Variants in CNNM2 observed in about 807,000 individuals in gnomAD.
CNNM2 encodes the protein metal transporter CNNM2.
Under a neutral mutation model 66.9 loss-of-function variants are expected in CNNM2, and 12 were observed. The observed-to-expected ratio is 0.18, with a 90% confidence interval of 0.11 to 0.29. The LOEUF is 0.29. Among genes scored for constraint, CNNM2 ranks in the 10% least tolerant of loss-of-function variants. The probability of loss-of-function intolerance (pLI) is 1.00; values close to 1 mark genes in which losing one functional copy is unlikely to be tolerated. For synonymous variants in CNNM2, 557 were observed against 501.8 expected, an observed-to-expected ratio of 1.11 and a Z score of -1.47; for missense variants, 705 against 1,167.7, an observed-to-expected ratio of 0.60 and a Z score of 5.77.
At chr10:102,990,934 G>A (rs1037406730) in intron 1 of CNNM2, among the ~76,000 whole-genome samples, 2 of 152,154 alleles carry the variant, frequency 1.3e-5, no homozygotes, top group Non-Finnish European at 2.9e-5. Context: ...AGTAGGAATA[G>A]TTATCTCTGT....
rs2065521762 is a variant in CNNM2, at chr10:103,068,694, T to C, written c.2139T>C (p.Tyr713=). The part of the protein sequence containing the change: ...MKFEASAFSY[Y]GVMALTASPV... ...TTGAAGCGAGCGCCTTCTCATACTA[T>C]GGCGTGATGGCCCTGACAGCCTCTC... The change falls in exon 5 of 8, where the codon TAT becomes TAC. Residue 713 remains tyrosine, a synonymous_variant. Transcript: ENST00000369878. The C allele has an allele frequency of 6.2e-7, 1 of 1,612,956 alleles. No individual in the cohort carries two copies. Among genetic ancestry groups the C allele is most frequent in the African/African-American group, 1.3e-5 (1 of 74,922 alleles).
At chr10:103,026,854 C>T (rs959965749) in intron 1 of CNNM2, among the ~76,000 whole-genome samples, 4 of 152,074 alleles carry the variant, frequency 2.6e-5, no homozygotes, top group African/African-American at 9.7e-5. Context: ...GCCTGTCTTC[C>T]TTGGTCGACT....
Position 102,919,678 on chromosome 10 carries a change from G to C in CNNM2, c.1198G>C (p.Val400Leu). The C allele has an allele frequency of 6.2e-7, 1 of 1,614,230 alleles. No individual in the cohort carries two copies. The highest frequency in any genetic ancestry group is 8.5e-7 in the Non-Finnish European group (1 of 1,180,044). The change falls in exon 1 of 8, where the codon GTC (valine) becomes CTC (leucine). Residue 400 changes from valine to leucine, a missense_variant. Physicochemically the swap from Val to Leu is conservative, Grantham distance 32. This residue lies in a region of CNNM2 where 27 missense variants were observed against 40.7 expected (regional missense o/e 0.66). Transcript: ENST00000369878. ...CCCGGTCAGCAAGCTGCTGGACTGC[G>C]TCCTGGGCCAGGAGATAGGCACCGT... ...SYPVSKLLDC[V>L]LGQEIGTVYN... is the part of the protein sequence containing the mutation.
chr10:102,922,609 C>T (rs1032189294), intron 1 of CNNM2, among the ~76,000 whole-genome samples: 2 of 152,112 alleles, frequency 1.3e-5, no homozygotes, highest in Non-Finnish European at 2.9e-5. Flanking sequence ...ATTGTAACTC[C>T]CCAGACCAGT....
intron 1 of CNNM2, among the ~76,000 whole-genome samples, chr10:102,987,573 G>A (rs1344335256): frequency 2.0e-5 from 3 of 151,864 alleles, no homozygotes; most frequent in African/African-American, 7.3e-5. Flanking sequence ...TGCCCGCCTC[G>A]GCCTCCCAAA....
At chr10:102,932,945 A>G (rs938556923) in intron 1 of CNNM2, among the ~76,000 whole-genome samples, 5 of 151,060 alleles carry the variant, frequency 3.3e-5, no homozygotes, top group Non-Finnish European at 5.9e-5. Context: ...AAAATTGGCC[A>G]TACATTTGAG....
intron 4 of CNNM2, among the ~76,000 whole-genome samples, chr10:103,060,917 T>C (rs996947875): frequency 2.6e-5 from 4 of 152,084 alleles, no homozygotes; most frequent in African/African-American, 9.7e-5. Context: ...AGAAAACATA[T>C]AGAATGTAAT....
At chr10:102,923,433 A>G (rs1358088003) in intron 1 of CNNM2, among the ~76,000 whole-genome samples, 1 of 152,182 alleles carries the variant, frequency 6.6e-6, no homozygotes, top group Non-Finnish European at 1.5e-5. Context: ...GTTCAAGGTC[A>G]CACAGTAATT....
chr10:103,024,318 C>G (rs1482237370), intron 1 of CNNM2, among the ~76,000 whole-genome samples: 2 of 151,978 alleles, frequency 1.3e-5, no homozygotes, highest in Non-Finnish European at 2.9e-5. Context: ...ACTATCATGG[C>G]TTTGTTATAT....
intron 1 of CNNM2, among the ~76,000 whole-genome samples, chr10:102,977,231 T>G (rs2063648683): frequency 6.6e-6 from 1 of 152,178 alleles, no homozygotes; most frequent in Admixed American, 6.5e-5. Flanking sequence ...GTATGTATGT[T>G]TGGGAACAAG....
intron 5 of CNNM2, among the ~76,000 whole-genome samples, chr10:103,071,197 G>A (rs946591155): frequency 9.9e-5 from 15 of 152,224 alleles, no homozygotes; most frequent in African/African-American, 3.6e-4. Context: ...ATCTGATGGG[G>A]CAGTGAGTAA....
intron 1 of CNNM2, among the ~76,000 whole-genome samples, chr10:103,009,270 C>T (rs571029399): frequency 2.6e-5 from 4 of 151,582 alleles, no homozygotes; most frequent in East Asian, 1.9e-4. Flanking sequence ...ATTGAAACTC[C>T]GTCTCAAAAA....
At position 103,086,707 on chromosome 10, in the gene CNNM2, A is replaced by G. The variant is rs1259216330; in HGVS notation, c.*9527A>G. 6.6e-6 allele frequency: 1 copy of G among 152,182 alleles called. No homozygotes were observed. The allele number at this position is 152,182 out of a possible 1,614,324, so 9.4% of individuals were successfully genotyped here. A position where few individuals can be genotyped will look rare whatever the true frequency, so the allele number is the denominator to read the frequency against. On this transcript the variant is annotated 3_prime_UTR_variant, in exon 8 of 8. Coordinates refer to ENST00000369878, the MANE Select transcript of CNNM2 (RefSeq NM_017649.5). ...AGGATTTGTAGTTCTATTAAAAACG[A>G]CTTCTAAAAGTATCTTAGGGTAGCT...
In CNNM2 at chr10:103,068,669, T is replaced by G; in HGVS notation, c.2114T>G (p.Phe705Cys). The G allele has an allele frequency of 6.2e-7, 1 of 1,613,258 alleles. No homozygotes were observed. The highest frequency in any genetic ancestry group is 8.5e-7 in the Non-Finnish European group (1 of 1,179,638). The change falls in exon 5 of 8, where the codon TTT (phenylalanine) becomes TGT (cysteine). Residue 705 changes from phenylalanine to cysteine, a missense_variant. Physicochemically the swap from Phe to Cys is radical, Grantham distance 205. Transcript: ENST00000369878. Reference sequence around the variant, plus strand: ...GAAGCTGGGAAAGAAGGTATGAAGTTTGAAGCGAGCGCCTTCTCATACTAT... The same window carrying G: ...GAAGCTGGGAAAGAAGGTATGAAGTGTGAAGCGAGCGCCTTCTCATACTAT... ...EVEAGKEGMKFEASAFSYYGV... is the reference protein window; with the variant it reads ...EVEAGKEGMKCEASAFSYYGV...
At chr10:103,029,440 G>A (rs2064778834) in intron 1 of CNNM2, among the ~76,000 whole-genome samples, 1 of 151,962 alleles carries the variant, frequency 6.6e-6, no homozygotes, top group Admixed American at 6.6e-5. Flanking sequence ...CTCCAGCCTG[G>A]GTGACAGAGC....
intron 1 of CNNM2, among the ~76,000 whole-genome samples, chr10:103,021,887 G>A (rs1197788332): frequency 1.3e-5 from 2 of 152,168 alleles, no homozygotes; most frequent in African/African-American, 2.4e-5. Context: ...ATATATATGT[G>A]TGTATGTATA....
At chr10:103,010,216 A>G (rs2064314796) in intron 1 of CNNM2, among the ~76,000 whole-genome samples, 1 of 152,130 alleles carries the variant, frequency 6.6e-6, no homozygotes, top group Non-Finnish European at 1.5e-5. Flanking sequence ...AATAGTATAT[A>G]TAATATGACC....
chr10:103,089,690 C>T lies in CNNM2; in HGVS notation c.*12510C>T, dbSNP rs767601922. On this transcript the variant is annotated 3_prime_UTR_variant, in exon 8 of 8. Coordinates refer to ENST00000369878, the MANE Select transcript of CNNM2 (RefSeq NM_017649.5). ...TTCCTCCTTATTCTTCCTCCTCCTC[C>T]TCCTCTTCATCATCATCTTCGTCAT... 1.0e-5 allele frequency: 16 copies of T among 1,607,820 alleles called. No individual in the cohort carries two copies. The highest frequency in any genetic ancestry group is 1.4e-5 in the Non-Finnish European group (16 of 1,176,974).
chr10:103,076,465 T>A (rs1437748342), intron 7 of CNNM2, among the ~76,000 whole-genome samples, 195 bp downstream of exon 7: 5 of 152,318 alleles, frequency 3.3e-5, no homozygotes, highest in African/African-American at 9.6e-5. Flanking sequence ...AACGTTGATC[T>A]TCTTGGTTCT....
Sources: allele counts gnomAD v4.1 joint callset (sites outside exome capture counted in the v4.1 genomes callset), GRCh38; gene constraint gnomAD v4.1.1; regional missense constraint gnomAD v4.1.1; transcripts MANE v1.5; gene names NCBI Gene and HGNC (gene_info 2026-07-23, HGNC 2026-07-21).